DNAH1: variants seen among roughly 807,000 people sequenced by gnomAD.
DNAH1 encodes dynein axonemal heavy chain 1.
In DNAH1, 327 loss-of-function variants were observed where a neutral mutation model predicts 484.3. The ratio of observed to expected loss-of-function variants is 0.68; its 90% CI spans 0.62 to 0.74. The LOEUF is 0.74. Ranked by LOEUF, DNAH1 falls within the 30% of genes least tolerant of loss-of-function variation. The probability of loss-of-function intolerance (pLI) is 0.00; values close to 1 mark genes in which losing one functional copy is unlikely to be tolerated. For synonymous variants in DNAH1, 2,192 were observed against 2,191.9 expected (o/e 1.00, Z 0.00); for missense variants, 5,052 against 5,546.8 (o/e 0.91, Z 2.83).
chr3:52,353,095 C>A lies in DNAH1; in HGVS notation c.3028-8C>A. 6.2e-7 allele frequency: 1 copy of A among 1,610,004 alleles called. No individual in the cohort carries two copies. The highest frequency in any genetic ancestry group is 1.1e-5 in the South Asian group (1 of 90,510). Reference sequence around the variant, plus strand: ...GACAGCCCCAGCCCTGCCCTCCTGTCCCTGCAGTATGACAAGCTCTCCAGG... The same window carrying A: ...GACAGCCCCAGCCCTGCCCTCCTGTACCTGCAGTATGACAAGCTCTCCAGG... On this transcript the variant is annotated splice_region_variant and splice_polypyrimidine_tract_variant and intron_variant, in intron 18 of 77. Coordinates refer to ENST00000420323, the MANE Select transcript of DNAH1 (RefSeq NM_015512.5). This position sits in a 1 kb window ranked among gnomAD's most constrained non-coding sequence, Gnocchi z 5.0.
chr3:52,381,868 G>A lies in DNAH1; in HGVS notation c.7805+32G>A. On this transcript the variant is annotated intron_variant, in intron 49 of 77. Coordinates refer to ENST00000420323, the MANE Select transcript of DNAH1 (RefSeq NM_015512.5). The surrounding 1 kb of genome is among the most constrained non-coding windows in gnomAD (Gnocchi z 4.1). ...GCCTCCAGGGCGTGCTGGGCAGTGG[G>A]CGGCCAGGGCTGGCTGGTCGGTTTG... 1.9e-6 allele frequency: 3 copies of A among 1,546,936 alleles called. No homozygotes were observed. The highest frequency in any genetic ancestry group is 2.0e-4 in the Middle Eastern group (1 of 5,112).
At position 52,376,846 on chromosome 3, in the gene DNAH1, A is replaced by AC. The variant is rs573680938; in HGVS notation, c.7198+855dup. Among the ~76,000 whole-genome samples, 207 of 140,542 alleles carry AC rather than the reference A, an allele frequency of 1.5e-3. 1 individual carries two copies. The highest frequency in any genetic ancestry group is 2.5e-3 in the Non-Finnish European group (167 of 66,380). 92.2% of individuals were successfully genotyped at this position (140,542 alleles called of 152,430 possible). A position where few individuals can be genotyped will look rare whatever the true frequency, so the allele number is the denominator to read the frequency against. ...CTCTCACCCTCTGAGAGTTCTTGTCACCAGTTGCCTTCTGTGGCCAGACCA... is the reference window on the plus strand; with the variant it reads ...CTCTCACCCTCTGAGAGTTCTTGTCACCCAGTTGCCTTCTGTGGCCAGACCA... On this transcript the variant is annotated intron_variant, in intron 46 of 77. Transcript: ENST00000420323.
rs893192199 is a variant in DNAH1 at position 52,397,695 on chromosome 3, C to T, written c.11788-12C>T. 2 of 1,583,924 alleles carry T rather than the reference C, an allele frequency of 1.3e-6. No homozygotes were observed. Among genetic ancestry groups the T allele is most frequent in the East Asian group, 2.2e-5 (1 of 44,632 alleles). ...AAGCCAGGGGCTTCCATGTTGGCCT[C>T]CTCTCTCCTAGGGCTACCTCTCCTA... On this transcript the variant is annotated splice_polypyrimidine_tract_variant and intron_variant, in intron 73 of 77. Coordinates refer to ENST00000420323, the MANE Select transcript of DNAH1 (RefSeq NM_015512.5).
chr3:52,372,678 G>C (rs1457372984), intron 43 of DNAH1, among the ~76,000 whole-genome samples: 1 of 152,274 alleles, frequency 6.6e-6, no homozygotes, highest in Non-Finnish European at 1.5e-5. Context: ...CCTGGGAGGC[G>C]AGACTCACTT....
intron 46 of DNAH1, among the ~76,000 whole-genome samples, chr3:52,376,606 C>T (rs981810421): frequency 2.0e-5 from 3 of 152,180 alleles, no homozygotes; most frequent in Non-Finnish European, 2.9e-5. Flanking sequence ...CCCTCTTCCC[C>T]GCCAACACCA....
Position 52,370,778 on chromosome 3 carries a change from A to T in DNAH1, c.6478A>T (p.Ile2160Phe), listed in dbSNP as rs548044291. The T allele has an allele frequency of 6.2e-7, 1 of 1,607,852 alleles. No individual in the cohort carries two copies. Among genetic ancestry groups the T allele is most frequent in the Non-Finnish European group, 8.5e-7 (1 of 1,177,544 alleles). Residue 2160 changes from isoleucine (I) to phenylalanine (F), a missense_variant, in exon 41 of 78, where the codon ATC becomes TTC. Ile to Phe is a conservative substitution (Grantham distance 21). Transcript: ENST00000420323. ...CGATTACAGGCTGGAGGACGCGGGC[A>T]TCAGTGGCACCAACGACAGTGAGGA... ...VFDYRLEDAGISGTNDSEDEE... is the reference protein window; with the variant it reads ...VFDYRLEDAGFSGTNDSEDEE...
chr3:52,324,237 T>G (rs1313136122), intron 3 of DNAH1, among the ~76,000 whole-genome samples: 3 of 152,156 alleles, frequency 2.0e-5, no homozygotes, highest in Non-Finnish European at 4.4e-5. Context: ...CTGAGTTGCT[T>G]CCTGCTGGAG....
In DNAH1 at chr3:52,373,054, G is replaced by A; in HGVS notation, c.6985+1G>A. 4 of 1,609,470 alleles carry A rather than the reference G, an allele frequency of 2.5e-6. No individual in the cohort carries two copies. Among genetic ancestry groups the A allele is most frequent in the Non-Finnish European group, 3.4e-6 (4 of 1,177,990 alleles). Reference sequence around the variant, plus strand: ...GGCTGGTACGACCGCAAGATCATTGGTGAGTGTGGCCGGCCTGGCTCACAG... The same window carrying A: ...GGCTGGTACGACCGCAAGATCATTGATGAGTGTGGCCGGCCTGGCTCACAG... On this transcript the variant is annotated splice_donor_variant, in intron 44 of 77. Transcript: ENST00000420323. LOFTEE classifies it high-confidence loss of function.
chr3:52,356,608 C>T lies in DNAH1; in HGVS notation c.3694-6C>T. 3.1e-6 allele frequency: 5 copies of T among 1,612,938 alleles called. No homozygotes were observed. Reference sequence around the variant, plus strand: ...TCACACCCCTCCCTGCCCCTCCCCTCCCCAGGAGGTTCTGGAGGAGTGGCT... The same window carrying T: ...TCACACCCCTCCCTGCCCCTCCCCTTCCCAGGAGGTTCTGGAGGAGTGGCT... On this transcript the variant is annotated splice_region_variant and splice_polypyrimidine_tract_variant and intron_variant, in intron 21 of 77. Coordinates refer to ENST00000420323, the MANE Select transcript of DNAH1 (RefSeq NM_015512.5).
intron 53 of DNAH1, 38 bp downstream of exon 53, chr3:52,385,015 C>T: frequency 1.3e-6 from 2 of 1,584,226 alleles, no homozygotes; most frequent in Non-Finnish European, 8.6e-7. Context: ...AGGTCAGCTG[C>T]CTGCAGGCTG....
At position 52,322,716 on chromosome 3, in the gene DNAH1, A is replaced by T. The variant is rs372325096; in HGVS notation, c.274A>T (p.Met92Leu). 6.2e-7 allele frequency: 1 copy of T among 1,613,304 alleles called. No individual in the cohort carries two copies. The highest frequency in any genetic ancestry group is 1.7e-5 in the Admixed American group (1 of 59,928). Residue 92 changes from methionine to leucine, a missense_variant, in exon 2 of 78, where the codon ATG becomes TTG. Physicochemically the swap from Met to Leu is conservative, Grantham distance 15. This residue lies in a region of DNAH1 where 1,263 missense variants were observed against 1,218.8 expected (regional missense o/e 1.04). Coordinates refer to ENST00000420323, the MANE Select transcript of DNAH1 (RefSeq NM_015512.5). Reference protein sequence around the residue: ...LTGTDKKYPLMKQRGFYSDIL... With the variant: ...LTGTDKKYPLLKQRGFYSDIL... ...AGGCACTGATAAGAAGTACCCGCTG[A>T]TGAAGCAGCGTGGGTTCTACTCCGA...
intron 16 of DNAH1, among the ~76,000 whole-genome samples, chr3:52,351,754 A>T (rs1306675144): frequency 6.6e-6 from 1 of 152,190 alleles, no homozygotes; most frequent in Non-Finnish European, 1.5e-5. Flanking sequence ...GGGGCAGGGC[A>T]GCCTCCCTGA....
intron 8 of DNAH1, among the ~76,000 whole-genome samples, chr3:52,336,164 C>G (rs140612039): frequency 4.4e-4 from 67 of 152,290 alleles, no homozygotes; most frequent in African/African-American, 1.6e-3. Flanking sequence ...CTTTTGAGGA[C>G]TTAGTCATAA....
rs142113677 is a variant in DNAH1, at chr3:52,354,644, A to G, written c.3481-199A>G. The stretch of plus-strand genomic sequence containing the variant: ...CGAGACTCCACCTCAGAAAAAAAAA[A>G]AAAAAAGAGTGAATTGGCCCTGAAT... On this transcript the variant is annotated intron_variant, in intron 20 of 77. Transcript: ENST00000420323. Among the ~76,000 whole-genome samples the G allele has an allele frequency of 3.2e-3, 483 of 152,188 alleles. 2 individuals carry two copies. Among genetic ancestry groups the G allele is most frequent in the African/African-American group, 0.011 (464 of 41,496 alleles).
rs1481760876 is a variant in DNAH1, at chr3:52,359,253, G to C, written c.4274G>C (p.Arg1425Thr). 1.3e-6 allele frequency: 2 copies of C among 1,566,748 alleles called. No individual in the cohort carries two copies. Among genetic ancestry groups the C allele is most frequent in the Non-Finnish European group, 1.7e-6 (2 of 1,155,074 alleles). Residue 1425 changes from arginine to threonine, a missense_variant, in exon 26 of 78, where the codon AGG becomes ACG. Physicochemically the swap from Arg to Thr is moderately conservative, Grantham distance 71. Around this residue, in one of 4 missense-constraint regions of DNAH1, gnomAD observed 2,929 missense variants for 3,409.4 expected, o/e 0.86. Transcript: ENST00000420323. ...CCCATGCTGTCTTCCCAGATGCCCA[G>C]GACCCAGTGGGTTCTGAACTGGCCT... ...KAIRAYPTMP[R>T]TQWVLNWPGQ...
In DNAH1 at chr3:52,395,177, T is replaced by C; in HGVS notation, c.10968+118T>C. 6.7e-7 allele frequency: 1 copy of C among 1,495,554 alleles called. No individual in the cohort carries two copies. Among genetic ancestry groups the C allele is most frequent in the Non-Finnish European group, 9.0e-7 (1 of 1,114,458 alleles). 92.6% of individuals were successfully genotyped at this position (1,495,554 alleles called of 1,614,324 possible). ...CAGGCCAGGACCCCTGCTTGCTCCC[T>C]AAAGGCTCTGAGGTTCCAGCCCCCA... On this transcript the variant is annotated intron_variant, in intron 68 of 77. Coordinates refer to ENST00000420323, the MANE Select transcript of DNAH1 (RefSeq NM_015512.5). The surrounding 1 kb of genome is among the most constrained non-coding windows in gnomAD (Gnocchi z 4.4).
Position 52,358,014 on chromosome 3 carries a change from G to C in DNAH1, c.4086+11G>C. 1 of 1,588,902 alleles carries C rather than the reference G, an allele frequency of 6.3e-7. No individual in the cohort carries two copies. Among genetic ancestry groups the C allele is most frequent in the African/African-American group, 1.3e-5 (1 of 74,562 alleles). The stretch of plus-strand genomic sequence containing the variant: ...GAGAACATCGCTCGGGTGGGCAGCT[G>C]GGCCCGGGGCTCAGGGCTGGGAGCA... On this transcript the variant is annotated intron_variant, in intron 24 of 77. Coordinates refer to ENST00000420323, the MANE Select transcript of DNAH1 (RefSeq NM_015512.5). The surrounding 1 kb of genome is among the most constrained non-coding windows in gnomAD (Gnocchi z 4.2).
intron 77 of DNAH1, among the ~76,000 whole-genome samples, chr3:52,400,072 G>T (rs1704841308): frequency 6.6e-6 from 1 of 152,218 alleles, no homozygotes; most frequent in South Asian, 2.1e-4. Context: ...GCCCAGGGCA[G>T]GAACTTGTTT....
At position 52,326,785 on chromosome 3, in the gene DNAH1, A is replaced by G; in HGVS notation, c.632A>G (p.Gln211Arg). 6.2e-7 allele frequency: 1 copy of G among 1,613,832 alleles called. No homozygotes were observed. Among genetic ancestry groups the G allele is most frequent in the Admixed American group, 1.7e-5 (1 of 60,002 alleles). The stretch of plus-strand genomic sequence containing the variant: ...GACATTGAGCAGTTGCTGTTCAGCC[A>G]GGGCATCGACTCCAACAAGCTCATG... The part of the protein sequence containing the change: ...SLDIEQLLFS[Q>R]GIDSNKLMPR... The change falls in exon 5 of 78, where the codon CAG (glutamine) becomes CGG (arginine). Residue 211 changes from glutamine to arginine, a missense_variant. Around this residue, in one of 4 missense-constraint regions of DNAH1, gnomAD observed 1,263 missense variants for 1,218.8 expected, o/e 1.04. Transcript: ENST00000420323.
Sources: gnomAD v4.1 joint callset for allele counts (sites outside exome capture counted in the v4.1 genomes callset) on GRCh38, gnomAD v4.1.1 for gene constraint, gnomAD v4.1.1 regional missense constraint, Gnocchi (gnomAD v3.1) non-coding constraint, MANE v1.5 for transcripts, NCBI Gene and HGNC (gene_info 2026-07-23, HGNC 2026-07-21) for gene names.